PEAK1: variants seen among roughly 807,000 people sequenced by gnomAD.
PEAK1 encodes pseudopodium enriched atypical kinase 1, also known as inactive tyrosine-protein kinase PEAK1.
A neutral mutation model predicts 124.7 loss-of-function variants in PEAK1; 54 were observed. The observed-to-expected ratio is 0.43, with a 90% CI of 0.35 to 0.54. The LOEUF (loss-of-function observed/expected upper bound fraction) is 0.54, where lower values mean the gene tolerates loss of function less well. Ranked by LOEUF, PEAK1 falls within the 20% of genes least tolerant of loss-of-function variation. PEAK1 has a pLI of 0.01. For synonymous variants in PEAK1, 719 were observed against 760.0 expected (o/e 0.95, Z 0.89); for missense variants, 2,046 against 2,134.5 (o/e 0.96, Z 0.82).
chr15:77,138,690 T>C (rs1428583439), intron 8 of PEAK1, among the ~76,000 whole-genome samples: 1 of 151,952 alleles, frequency 6.6e-6, no homozygotes, highest in African/African-American at 2.4e-5. Context: ...ATGGAAACCG[T>C]GTCTGTACTA....
intron 8 of PEAK1, among the ~76,000 whole-genome samples, chr15:77,146,182 C>A (rs529744625): frequency 4.0e-4 from 61 of 152,248 alleles, no homozygotes; most frequent in South Asian, 1.9e-3. Context: ...ATTGGCTGAA[C>A]CTAGCGCTCA....
chr15:77,281,128 T>C (rs184120216), intron 5 of PEAK1, among the ~76,000 whole-genome samples: 66 of 152,092 alleles, frequency 4.3e-4, no homozygotes, highest in South Asian at 1.7e-3. Flanking sequence ...AGATTCGCCA[T>C]TGCACTCCAG....
intron 5 of PEAK1, among the ~76,000 whole-genome samples, chr15:77,260,765 AAG>A (rs1293567033): frequency 1.3e-5 from 2 of 152,172 alleles, no homozygotes; most frequent in South Asian, 2.1e-4. Context: ...CTGAGCTTTG[AAG>A]AGAGTAGTGG....
At chr15:77,332,140 A>C in intron 2 of PEAK1, 1 of 911,742 alleles carries the variant, frequency 1.1e-6, no homozygotes, top group Non-Finnish European at 1.3e-6. Context: ...ATATAAAAAT[A>C]AATTTAAAAA....
intron 6 of PEAK1, among the ~76,000 whole-genome samples, chr15:77,215,161 A>G (rs2059092191): frequency 6.6e-6 from 1 of 152,190 alleles, no homozygotes; most frequent in South Asian, 2.1e-4. Flanking sequence ...AGTGATGTTA[A>G]GTGTCCCCCC....
intron 6 of PEAK1, among the ~76,000 whole-genome samples, chr15:77,224,059 G>C (rs767588105): frequency 6.6e-6 from 1 of 151,252 alleles, no homozygotes; most frequent in Non-Finnish European, 1.5e-5. Context: ...TTTGGACAGG[G>C]TTATTCTTTA....
At chr15:77,335,545 T>C (rs2066146906) in intron 2 of PEAK1, 1 of 945,874 alleles carries the variant, frequency 1.1e-6, no homozygotes, top group Admixed American at 6.2e-5. Context: ...AGTGACATGA[T>C]CATAGCTCAC....
chr15:77,200,169 A>G (rs1258501805), intron 6 of PEAK1, among the ~76,000 whole-genome samples: 1 of 152,224 alleles, frequency 6.6e-6, no homozygotes, highest in Non-Finnish European at 1.5e-5. Flanking sequence ...TGAAGACAAG[A>G]TGAAGGCCTT....
At chr15:77,360,894 A>G (rs2067844700) in intron 2 of PEAK1, among the ~76,000 whole-genome samples, 1 of 152,144 alleles carries the variant, frequency 6.6e-6, no homozygotes, top group Non-Finnish European at 1.5e-5. Context: ...TCACAAAGGG[A>G]TCAAAGACCT....
At chr15:77,123,101 T>C (rs2052062270) in intron 9 of PEAK1, among the ~76,000 whole-genome samples, 1 of 152,180 alleles carries the variant, frequency 6.6e-6, no homozygotes, top group Non-Finnish European at 1.5e-5. Flanking sequence ...AACAGGGAAG[T>C]GTACATCTTT....
chr15:77,414,640 T>C (rs2072729070), intron 1 of PEAK1, among the ~76,000 whole-genome samples: 1 of 152,232 alleles, frequency 6.6e-6, no homozygotes, highest in African/African-American at 2.4e-5. Flanking sequence ...TTAACCTTTC[T>C]AATCCTCAGT....
chr15:77,368,495 G>A (rs940138093), intron 1 of PEAK1, among the ~76,000 whole-genome samples: 2 of 151,346 alleles, frequency 1.3e-5, no homozygotes, highest in Admixed American at 6.6e-5. Flanking sequence ...TCCAGCCTGG[G>A]CGACAGAGCA....
At chr15:77,385,490 G>A (rs543885635) in intron 1 of PEAK1, among the ~76,000 whole-genome samples, 11 of 152,264 alleles carry the variant, frequency 7.2e-5, no homozygotes, top group African/African-American at 2.6e-4. Flanking sequence ...GGGATGCTCT[G>A]GTTGTTAACT....
chr15:77,356,049 C>G (rs1000387685), intron 2 of PEAK1: 2 of 563,692 alleles, frequency 3.5e-6, no homozygotes, highest in Non-Finnish European at 4.5e-6. Context: ...CATGTGCACA[C>G]GACCTGGCCC....
At chr15:77,182,749 C>CAATAAAAAAAAAAAAAAAAAAAAAA (rs71447145) in intron 6 of PEAK1, among the ~76,000 whole-genome samples, 1 of 65,138 alleles carries the variant, frequency 1.5e-5, no homozygotes, top group African/African-American at 6.2e-5. Context: ...GACCTTGTCT[C>CAATAAAAAAAAAAAAAAAAAAAAAA]AAAAAAAAAA....
intron 2 of PEAK1, among the ~76,000 whole-genome samples, chr15:77,296,125 G>A (rs1272668485): frequency 6.6e-6 from 1 of 152,124 alleles, no homozygotes; most frequent in Non-Finnish European, 1.5e-5. Context: ...AAAAGAAGAG[G>A]GGAAAGAAAG....
rs190402234 is a variant in PEAK1, at chr15:77,167,273, C to T, written c.3138-8577G>A. On this transcript the variant is annotated intron_variant, in intron 7 of 9. Coordinates refer to ENST00000682557, the MANE Select transcript of PEAK1 (RefSeq NM_001385026.1). ...AGGGGGTAATAATTTGGAACCATTC[C>T]TAACCTTCTGAGGTTTATTCTTAGT... Among the ~76,000 whole-genome samples the T allele has an allele frequency of 4.0e-4, 61 of 152,226 alleles. 2 individuals are homozygous for T. The East Asian group carries it at 0.012, about 29-fold the overall frequency.
intron 1 of PEAK1, among the ~76,000 whole-genome samples, chr15:77,386,578 G>C (rs559627226): frequency 4.6e-5 from 7 of 152,228 alleles, no homozygotes; most frequent in Admixed American, 3.3e-4. Context: ...TAAAAAAATA[G>C]AAAGGGCTAT....
At chr15:77,387,253 T>C (rs541965793) in intron 1 of PEAK1, among the ~76,000 whole-genome samples, 23 of 152,292 alleles carry the variant, frequency 1.5e-4, no homozygotes, top group African/African-American at 4.3e-4. Context: ...AATCCATCAA[T>C]AGACTTTTAA....
Sources: gnomAD v4.1 joint callset for allele counts (sites outside exome capture counted in the v4.1 genomes callset) on GRCh38, gnomAD v4.1.1 for gene constraint, MANE v1.5 for transcripts, NCBI Gene and HGNC (gene_info 2026-07-23, HGNC 2026-07-21) for gene names.